Variants in AHCYL2 observed in about 807,000 individuals in gnomAD.
The protein encoded by AHCYL2 is S-adenosylhomocysteine hydrolase-like protein 2.
A neutral mutation model predicts 81.4 loss-of-function variants in AHCYL2; 28 were observed. The ratio of observed to expected loss-of-function variants is 0.34; its 90% CI spans 0.25 to 0.47. The LOEUF is 0.47. Among genes scored for constraint, AHCYL2 ranks in the 20% least tolerant of loss-of-function variants. The pLI, the probability that AHCYL2 is intolerant of heterozygous loss-of-function variation, is 1.00. For missense variants in AHCYL2, 551 were observed against 785.1 expected (o/e 0.70, Z 3.56); for synonymous variants, 272 against 290.2 (o/e 0.94, Z 0.64).
In AHCYL2 at chr7:129,426,979, A is replaced by C. The variant is rs977135871; in HGVS notation, c.1830-60A>C. On this transcript the variant is annotated intron_variant, in intron 16 of 16. Transcript: ENST00000325006. This position sits in a 1 kb window ranked among gnomAD's most constrained non-coding sequence, Gnocchi z 4.3. ...TGTTACACCTTTAGGCAGGCTCTTCATGTCCCAGCATCCCCATTAGCTGAT... is the reference window on the plus strand; with the variant it reads ...TGTTACACCTTTAGGCAGGCTCTTCCTGTCCCAGCATCCCCATTAGCTGAT... 5 of 1,563,636 alleles carry C rather than the reference A, an allele frequency of 3.2e-6. No homozygotes were observed. The African/African-American group carries it at 6.8e-5, about 21-fold the overall frequency.
At chr7:129,410,985 A>C (rs780994501) in intron 11 of AHCYL2, among the ~76,000 whole-genome samples, 1 of 152,052 alleles carries the variant, frequency 6.6e-6, no homozygotes, top group Non-Finnish European at 1.5e-5. Context: ...GCTGGTCTCA[A>C]ACTCCTGGCC....
chr7:129,227,002 G>A (rs1794246926), intron 1 of AHCYL2, among the ~76,000 whole-genome samples: 1 of 152,184 alleles, frequency 6.6e-6, no homozygotes. Flanking sequence ...GGCTAAAAGT[G>A]TTTAACAAAT....
chr7:129,339,243 T>C (rs1035715803), intron 1 of AHCYL2, among the ~76,000 whole-genome samples: 4 of 152,332 alleles, frequency 2.6e-5, no homozygotes, highest in Non-Finnish European at 4.4e-5. Context: ...CAGACACTCA[T>C]ACGTTCATGG....
intron 1 of AHCYL2, among the ~76,000 whole-genome samples, chr7:129,310,119 C>T (rs377196474): frequency 6.6e-6 from 1 of 152,116 alleles, no homozygotes; most frequent in East Asian, 1.9e-4. Flanking sequence ...TCATCCACCT[C>T]CTTGGTGACT....
intron 1 of AHCYL2, among the ~76,000 whole-genome samples, chr7:129,344,507 T>C (rs1163076322): frequency 6.6e-6 from 1 of 152,226 alleles, no homozygotes; most frequent in African/African-American, 2.4e-5. Flanking sequence ...TGATTCCATA[T>C]GATTTGTATG....
At chr7:129,410,027 C>G (rs1584897390) in intron 11 of AHCYL2, 1 of 828,810 alleles carries the variant, frequency 1.2e-6, no homozygotes, top group Non-Finnish European at 1.9e-6. Context: ...TGCTTGACTG[C>G]AAGCACTCAA....
intron 1 of AHCYL2, among the ~76,000 whole-genome samples, chr7:129,324,323 C>T (rs779376787): frequency 6.6e-6 from 1 of 152,100 alleles, no homozygotes; most frequent in Non-Finnish European, 1.5e-5. Context: ...CTGACAATCT[C>T]TGCCTTTTAA....
At position 129,368,533 on chromosome 7, in the gene AHCYL2, TCA is replaced by T; in HGVS notation, c.364-11102_364-11101del. 6.2e-7 allele frequency: 1 copy of T among 1,614,038 alleles called. No homozygotes were observed. The highest frequency in any genetic ancestry group is 8.5e-7 in the Non-Finnish European group (1 of 1,179,888). On this transcript the variant is annotated intron_variant, in intron 1 of 16. Coordinates refer to ENST00000325006, the MANE Select transcript of AHCYL2 (RefSeq NM_015328.4). This position sits in a 1 kb window ranked among gnomAD's most constrained non-coding sequence, Gnocchi z 4.4. ...ACGGTAATGAGGGCACCTCAGCTTT[TCA>T]CATGCCTGAGTGGATGGTGAGTTCA...
At chr7:129,391,959 T>G (rs924485377) in intron 4 of AHCYL2, among the ~76,000 whole-genome samples, 1 of 152,224 alleles carries the variant, frequency 6.6e-6, no homozygotes, top group Non-Finnish European at 1.5e-5. Flanking sequence ...TTTTTTGGCC[T>G]GCTCAGTCAG....
chr7:129,392,773 A>C (rs1031450051), intron 4 of AHCYL2, among the ~76,000 whole-genome samples: 2 of 152,264 alleles, frequency 1.3e-5, no homozygotes, highest in Non-Finnish European at 2.9e-5. Context: ...TTTCTAACAA[A>C]AGAATCCAGT....
intron 1 of AHCYL2, among the ~76,000 whole-genome samples, chr7:129,293,578 G>C (rs1796947097): frequency 6.6e-6 from 1 of 151,860 alleles, no homozygotes; most frequent in South Asian, 2.1e-4. Flanking sequence ...CTAGGGGGGT[G>C]GGAGGACTGC....
chr7:129,262,712 C>T (rs1448324552), intron 1 of AHCYL2, among the ~76,000 whole-genome samples: 1 of 152,108 alleles, frequency 6.6e-6, no homozygotes, highest in African/African-American at 2.4e-5. Flanking sequence ...TGTGTCTGAC[C>T]TTTCACTTGG....
chr7:129,396,338 G>A (rs1223648450), intron 4 of AHCYL2, among the ~76,000 whole-genome samples: 1 of 151,894 alleles, frequency 6.6e-6, no homozygotes, highest in Non-Finnish European at 1.5e-5. Flanking sequence ...TGTTAGCCAG[G>A]ATGGTCTCGA....
At chr7:129,300,553 A>G (rs2402943) in intron 1 of AHCYL2, among the ~76,000 whole-genome samples, 2,245 of 152,312 alleles carry the variant, frequency 0.015, 22 homozygotes, top group Non-Finnish European at 0.022. Flanking sequence ...CTGTTGATGG[A>G]CACTTAGGTT....
intron 7 of AHCYL2, 53 bp downstream of exon 7, chr7:129,403,538 T>C: frequency 7.8e-7 from 1 of 1,275,976 alleles, no homozygotes; most frequent in South Asian, 1.4e-5. Context: ...CATAAAATCT[T>C]ATAAACACAT....
intron 1 of AHCYL2, chr7:129,377,719 A>G (rs979037839): frequency 4.8e-6 from 2 of 412,830 alleles, no homozygotes; most frequent in Non-Finnish European, 9.7e-6. Flanking sequence ...AGAGAAAACA[A>G]AAAAGTTATT....
At chr7:129,249,867 G>A (rs553428864) in intron 1 of AHCYL2, among the ~76,000 whole-genome samples, 1 of 152,184 alleles carries the variant, frequency 6.6e-6, no homozygotes, top group South Asian at 2.1e-4. Context: ...TGTTTTCAAG[G>A]TCCCTTCATA....
At chr7:129,383,759 C>T (rs1795075073) in intron 2 of AHCYL2, among the ~76,000 whole-genome samples, 2 of 152,108 alleles carry the variant, frequency 1.3e-5, no homozygotes, top group Non-Finnish European at 2.9e-5. Flanking sequence ...TGAAACACGC[C>T]ATGCACTCTC....
At chr7:129,315,690 T>C (rs1797806083) in intron 1 of AHCYL2, among the ~76,000 whole-genome samples, 1 of 152,208 alleles carries the variant, frequency 6.6e-6, no homozygotes, top group Non-Finnish European at 1.5e-5. Context: ...GGGTGATTAG[T>C]AAAAGTTGAT....
Sources: allele counts gnomAD v4.1 joint callset (sites outside exome capture counted in the v4.1 genomes callset), GRCh38; gene constraint gnomAD v4.1.1; non-coding constraint Gnocchi (gnomAD v3.1); transcripts MANE v1.5; gene names NCBI Gene and HGNC (gene_info 2026-07-23, HGNC 2026-07-21).